Variants in OGDH observed in about 807,000 individuals in gnomAD.
The protein encoded by OGDH is oxoglutarate dehydrogenase.
Under a neutral mutation model 116.6 loss-of-function variants are expected in OGDH, and 38 were observed. That is an observed-to-expected ratio of 0.33 (90% CI 0.25 to 0.43). The LOEUF is 0.43. OGDH is among the 20% of genes least tolerant of loss of function. OGDH has a pLI of 1.00. For missense variants in OGDH, 825 were observed against 1,357.2 expected (o/e 0.61, Z 6.16); for synonymous variants, 488 against 533.3 (o/e 0.92, Z 1.17).
At chr7:44,691,236 T>G (rs1032536297) in intron 10 of OGDH, among the ~76,000 whole-genome samples, 1 of 152,142 alleles carries the variant, frequency 6.6e-6, no homozygotes, top group Admixed American at 6.6e-5. Flanking sequence ...TTCATAAGAC[T>G]CTTTGTCTGC....
intron 9 of OGDH, among the ~76,000 whole-genome samples, chr7:44,681,365 A>G (rs1489537411): frequency 6.6e-6 from 1 of 152,204 alleles, no homozygotes; most frequent in Non-Finnish European, 1.5e-5. Context: ...AGACCTGGCA[A>G]GTGATGCTGC....
intron 4 of OGDH, among the ~76,000 whole-genome samples, chr7:44,659,353 A>G (rs545872459): frequency 7.9e-5 from 12 of 151,986 alleles, no homozygotes; most frequent in Non-Finnish European, 1.3e-4. Flanking sequence ...GATATTGGTC[A>G]TTTTCTTTTT....
intron 10 of OGDH, among the ~76,000 whole-genome samples, chr7:44,688,368 C>T (rs963639673): frequency 3.8e-4 from 57 of 150,702 alleles, no homozygotes; most frequent in Admixed American, 1.1e-3. Context: ...AAGACTCTGT[C>T]TCAAAAAATA....
At chr7:44,696,311 C>T in intron 13 of OGDH, 118 bp from the exon 14 acceptor site, 1 of 1,311,560 alleles carries the variant, frequency 7.6e-7, no homozygotes, top group Non-Finnish European at 1.1e-6. Flanking sequence ...TTCTGGGGAA[C>T]ACAGTGTGAG....
intron 1 of OGDH, among the ~76,000 whole-genome samples, chr7:44,621,211 C>G (rs1463312961): frequency 6.6e-6 from 1 of 152,132 alleles, no homozygotes; most frequent in African/African-American, 2.4e-5. Context: ...GTAGCTGGTA[C>G]TACAGACATG....
intron 5 of OGDH, among the ~76,000 whole-genome samples, chr7:44,668,455 C>CT (rs1562654718): frequency 1.3e-5 from 2 of 150,852 alleles, no homozygotes; most frequent in African/African-American, 4.9e-5. Flanking sequence ...CAAAAAAAAA[C>CT]TGAGTGTCCA....
rs1585382178 is a variant in OGDH, at chr7:44,694,062, C to T, written c.1515+58C>T. ...AGAGCATCTGACCCACCCCTCTTGC[C>T]CTCGGCACCCCTGTGTCCCAAGGAG... On this transcript the variant is annotated intron_variant, in intron 11 of 22. Coordinates refer to ENST00000222673, the MANE Select transcript of OGDH (RefSeq NM_002541.4). The surrounding 1 kb of genome is among the most constrained non-coding windows in gnomAD (Gnocchi z 4.2). The T allele has an allele frequency of 1.3e-6, 2 of 1,525,384 alleles. No homozygotes were observed. The highest frequency in any genetic ancestry group is 4.6e-5 in the East Asian group (2 of 43,068). 94.5% of individuals were successfully genotyped at this position (1,525,384 alleles called of 1,614,324 possible).
At chr7:44,638,996 A>ATTT (rs1785798860) in intron 2 of OGDH, among the ~76,000 whole-genome samples, 1 of 152,150 alleles carries the variant, frequency 6.6e-6, no homozygotes, top group South Asian at 2.1e-4. Flanking sequence ...AGAAGGGGAA[A>ATTT]CGCTCTCCCA....
At chr7:44,673,732 A>G (rs1787570207) in intron 5 of OGDH, 55 bp from the exon 6 acceptor site, 1 of 1,589,742 alleles carries the variant, frequency 6.3e-7, no homozygotes, top group Non-Finnish European at 8.6e-7. Flanking sequence ...GGCAGTCTTC[A>G]TTCAGCCAGG....
intron 4 of OGDH, among the ~76,000 whole-genome samples, chr7:44,654,426 C>T (rs887538172): frequency 1.4e-4 from 22 of 152,350 alleles, no homozygotes; most frequent in Admixed American, 1.4e-3. Flanking sequence ...AAAGTTTCCA[C>T]ATATCCTCCT....
chr7:44,630,637 T>G lies in OGDH; in HGVS notation c.222+6072T>G, dbSNP rs1020365615. On this transcript the variant is annotated intron_variant, in intron 2 of 22. Transcript: ENST00000222673. The stretch of plus-strand genomic sequence containing the variant: ...TAAAATCCAAGGAAGCTCATGTCCC[T>G]TGTATAAAATGAAATATAAACTATG... Among the ~76,000 whole-genome samples the G allele has an allele frequency of 2.0e-5, 3 of 152,332 alleles. No individual in the cohort carries two copies. The South Asian group carries it at 6.2e-4, about 32-fold the overall frequency.
intron 4 of OGDH, among the ~76,000 whole-genome samples, chr7:44,660,801 G>A (rs1375755088): frequency 6.6e-6 from 1 of 152,090 alleles, no homozygotes; most frequent in African/African-American, 2.4e-5. Flanking sequence ...GATCGCGCGT[G>A]CCTGTAGTCC....
intron 14 of OGDH, 150 bp from the exon 15 acceptor site, chr7:44,696,764 G>A (rs993575674): frequency 5.4e-5 from 65 of 1,195,884 alleles, no homozygotes; most frequent in Non-Finnish European, 7.2e-5. Context: ...AGTGGTAAAG[G>A]AGAGACTGAG....
chr7:44,685,650 G>C (rs944970780), intron 10 of OGDH, among the ~76,000 whole-genome samples: 3 of 150,776 alleles, frequency 2.0e-5, no homozygotes, highest in African/African-American at 7.3e-5. Context: ...ACGGGGTCTT[G>C]CTCTGTTGCC....
At chr7:44,616,745 G>C (rs1467901564) in intron 1 of OGDH, among the ~76,000 whole-genome samples, 1 of 142,086 alleles carries the variant, frequency 7.0e-6, no homozygotes, top group East Asian at 2.1e-4. Flanking sequence ...ACGTATATAA[G>C]TGTATATGTG....
At chr7:44,674,225 A>G (rs539598280) in intron 6 of OGDH, among the ~76,000 whole-genome samples, 186 bp from the exon 7 acceptor site, 1 of 152,160 alleles carries the variant, frequency 6.6e-6, no homozygotes, top group Non-Finnish European at 1.5e-5. Context: ...TTATATTTTT[A>G]GTAGAGATGA....
At chr7:44,653,061 A>G (rs530127082) in intron 4 of OGDH, among the ~76,000 whole-genome samples, 3 of 152,172 alleles carry the variant, frequency 2.0e-5, no homozygotes, top group South Asian at 4.1e-4. Context: ...TCTTGCCCTC[A>G]GTTTTTTCTT....
At chr7:44,609,774 T>C (rs1408386243) in intron 1 of OGDH, among the ~76,000 whole-genome samples, 1 of 152,230 alleles carries the variant, frequency 6.6e-6, no homozygotes, top group Non-Finnish European at 1.5e-5. Flanking sequence ...CCAAACTGTT[T>C]TCCAGAGTGA....
intron 2 of OGDH, among the ~76,000 whole-genome samples, chr7:44,625,395 G>T (rs559683660): frequency 2.3e-4 from 35 of 152,318 alleles, no homozygotes; most frequent in African/African-American, 8.2e-4. Context: ...AAAGTGCTGG[G>T]ATTACAGGTA....
Sources: allele counts gnomAD v4.1 joint callset (sites outside exome capture counted in the v4.1 genomes callset), GRCh38; gene constraint gnomAD v4.1.1; non-coding constraint Gnocchi (gnomAD v3.1); transcripts MANE v1.5; gene names NCBI Gene and HGNC (gene_info 2026-07-23, HGNC 2026-07-21).